RASSF5: variants seen among roughly 807,000 people sequenced by gnomAD.
RASSF5 encodes the protein ras association domain-containing protein 5.
Under a neutral mutation model 40.5 loss-of-function variants are expected in RASSF5, and 25 were observed. The observed-to-expected ratio is 0.62, with a 90% confidence interval of 0.45 to 0.86. RASSF5 has a LOEUF of 0.86. RASSF5 is among the 40% of genes least tolerant of loss of function. RASSF5 has a pLI of 0.00. For synonymous variants in RASSF5, 246 were observed against 252.4 expected, an observed-to-expected ratio of 0.97 and a Z score of 0.24; for missense variants, 521 against 572.8, an observed-to-expected ratio of 0.91 and a Z score of 0.92.
chr1:206,588,677 T>C lies in RASSF5; in HGVS notation c.*1699T>C, dbSNP rs1344912426. 1.3e-5 allele frequency: 2 copies of C among 152,496 alleles called. No individual in the cohort carries two copies. Among genetic ancestry groups the C allele is most frequent in the African/African-American group, 2.4e-5 (1 of 41,454 alleles). 9.4% of individuals were successfully genotyped at this position (152,496 alleles called of 1,614,324 possible). The stretch of plus-strand genomic sequence containing the variant: ...GACCCCTCGTCGTATGAACTGTGCA[T>C]AGTCTCCAGAGCTTCAAAGGCAACA... On this transcript the variant is annotated 3_prime_UTR_variant, in exon 6 of 6. Coordinates refer to ENST00000579436, the MANE Select transcript of RASSF5 (RefSeq NM_182663.4).
chr1:206,545,967 T>C (rs1450575646), intron 2 of RASSF5, among the ~76,000 whole-genome samples: 20 of 151,136 alleles, frequency 1.3e-4, no homozygotes, highest in Non-Finnish European at 2.8e-4. Context: ...TTTTTTTTTT[T>C]TTTGAGACAG....
At position 206,584,752 on chromosome 1, in the gene RASSF5, C is replaced by G; in HGVS notation, c.988+68C>G. 1.9e-6 allele frequency: 3 copies of G among 1,550,966 alleles called. No homozygotes were observed. The highest frequency in any genetic ancestry group is 2.6e-6 in the Non-Finnish European group (3 of 1,135,172). ...CTGTGTCCAAGCCCACCCACTAAAACTCCTGCCGGCCTTGGGTGGGAGCTG... is the reference window on the plus strand; with the variant it reads ...CTGTGTCCAAGCCCACCCACTAAAAGTCCTGCCGGCCTTGGGTGGGAGCTG... On this transcript the variant is annotated intron_variant, in intron 4 of 5. Transcript: ENST00000579436. This position sits in a 1 kb window ranked among gnomAD's most constrained non-coding sequence, Gnocchi z 4.9.
chr1:206,514,809 G>A (rs1409204302), intron 1 of RASSF5, among the ~76,000 whole-genome samples: 6 of 152,228 alleles, frequency 3.9e-5, no homozygotes, highest in African/African-American at 1.4e-4. Context: ...GGCATTCTGT[G>A]AACCTGCTAG....
intron 2 of RASSF5, among the ~76,000 whole-genome samples, chr1:206,566,779 G>A (rs1668300569): frequency 6.6e-6 from 1 of 152,144 alleles, no homozygotes; most frequent in East Asian, 1.9e-4. Context: ...CCTTCTCTGT[G>A]CTCCCCAAAC....
chr1:206,529,366 T>G (rs1667178386), intron 1 of RASSF5: 1 of 755,734 alleles, frequency 1.3e-6, no homozygotes, highest in Non-Finnish European at 2.4e-6. Context: ...AAAGCTCAGC[T>G]GGTGGTGATT....
At chr1:206,568,480 C>T (rs1279655070) in intron 2 of RASSF5, among the ~76,000 whole-genome samples, 1 of 152,194 alleles carries the variant, frequency 6.6e-6, no homozygotes, top group African/African-American at 2.4e-5. Flanking sequence ...TGCCCCTCCC[C>T]TTCTAGCAAG....
chr1:206,584,757 G>C lies in RASSF5; in HGVS notation c.988+73G>C, dbSNP rs782637226. On this transcript the variant is annotated intron_variant, in intron 4 of 5. Coordinates refer to ENST00000579436, the MANE Select transcript of RASSF5 (RefSeq NM_182663.4). The surrounding 1 kb of genome is among the most constrained non-coding windows in gnomAD (Gnocchi z 4.9). Reference sequence around the variant, plus strand: ...TCCAAGCCCACCCACTAAAACTCCTGCCGGCCTTGGGTGGGAGCTGTGGGC... The same window carrying C: ...TCCAAGCCCACCCACTAAAACTCCTCCCGGCCTTGGGTGGGAGCTGTGGGC... 4 of 1,533,340 alleles carry C rather than the reference G, an allele frequency of 2.6e-6. No homozygotes were observed. Among genetic ancestry groups the C allele is most frequent in the Non-Finnish European group, 8.9e-7 (1 of 1,122,558 alleles). 95.0% of individuals were successfully genotyped at this position (1,533,340 alleles called of 1,614,324 possible).
At chr1:206,583,194 G>C (rs1038807871) in intron 2 of RASSF5, 75 bp from the exon 3 acceptor site, 2 of 939,122 alleles carry the variant, frequency 2.1e-6, no homozygotes, top group African/African-American at 1.6e-5. Flanking sequence ...GAGAGGCTTT[G>C]GGGAGGGCGT....
At chr1:206,516,603 C>G (rs557590017) in intron 1 of RASSF5, among the ~76,000 whole-genome samples, 1 of 152,038 alleles carries the variant, frequency 6.6e-6, no homozygotes, top group African/African-American at 2.4e-5. Flanking sequence ...ACTACAGGTG[C>G]GTGCCACCAC....
chr1:206,541,481 A>G (rs550201634), intron 2 of RASSF5, among the ~76,000 whole-genome samples: 1 of 152,274 alleles, frequency 6.6e-6, no homozygotes, highest in South Asian at 2.1e-4. Context: ...TCAAAAGGTC[A>G]TCGGAAACAG....
At chr1:206,561,273 C>A (rs1171654067) in intron 2 of RASSF5, among the ~76,000 whole-genome samples, 1 of 152,228 alleles carries the variant, frequency 6.6e-6, no homozygotes, top group African/African-American at 2.4e-5. Context: ...CCCTCCAGGA[C>A]TCCTTGTCAA....
At chr1:206,583,828 G>A (rs1668991530) in intron 3 of RASSF5, 1 of 185,700 alleles carries the variant, frequency 5.4e-6, no homozygotes. Flanking sequence ...CTTCAATAGG[G>A]AGGGGAGAAG....
chr1:206,545,295 G>A (rs1667652247), intron 2 of RASSF5, among the ~76,000 whole-genome samples: 1 of 149,220 alleles, frequency 6.7e-6, no homozygotes, highest in Admixed American at 6.7e-5. Flanking sequence ...TAATATGCCT[G>A]TATTTTGAAG....
At chr1:206,527,268 G>A (rs1348548109) in intron 1 of RASSF5, among the ~76,000 whole-genome samples, 2 of 152,144 alleles carry the variant, frequency 1.3e-5, no homozygotes, top group Admixed American at 1.3e-4. Flanking sequence ...AAGTGGGTGC[G>A]CTCTGGTGCC....
At chr1:206,526,043 C>T (rs1398577589) in intron 1 of RASSF5, among the ~76,000 whole-genome samples, 2 of 152,174 alleles carry the variant, frequency 1.3e-5, no homozygotes, top group Non-Finnish European at 2.9e-5. Flanking sequence ...AAGCCCTCCA[C>T]CCCAACCCAC....
chr1:206,515,327 C>T (rs1489529949), intron 1 of RASSF5, among the ~76,000 whole-genome samples: 6 of 152,162 alleles, frequency 3.9e-5, no homozygotes, highest in African/African-American at 9.7e-5. Context: ...ATCATGAGAT[C>T]TTTAGAAAAA....
Position 206,513,544 on chromosome 1 carries a change from T to C in RASSF5, c.457+5485T>C, listed in dbSNP as rs1200645397. Among the ~76,000 whole-genome samples the C allele has an allele frequency of 6.6e-6, 1 of 152,234 alleles. No homozygotes were observed. Among genetic ancestry groups the C allele is most frequent in the Non-Finnish European group, 1.5e-5 (1 of 68,042 alleles). On this transcript the variant is annotated intron_variant, in intron 1 of 5. Coordinates refer to ENST00000579436, the MANE Select transcript of RASSF5 (RefSeq NM_182663.4). This position sits in a 1 kb window ranked among gnomAD's most constrained non-coding sequence, Gnocchi z 5.0. Reference sequence around the variant, plus strand: ...GGTGGCAGGATGCTTTCTGCCTCCCTGCAGGGTCTCGCTCTGTCTCTGCTG... The same window carrying C: ...GGTGGCAGGATGCTTTCTGCCTCCCCGCAGGGTCTCGCTCTGTCTCTGCTG...
intron 2 of RASSF5, among the ~76,000 whole-genome samples, chr1:206,546,087 CTATTTTTTTTTTTTTTTTTTT>C (rs1667679962): frequency 7.6e-5 from 2 of 26,446 alleles, no homozygotes; most frequent in African/African-American, 2.9e-4. Context: ...TCTTCTTTTT[CTATTTTTTTTTTTTTTTTTTT>C]TTTTTTTTTT....
chr1:206,508,147 G>A (rs1666514296), intron 1 of RASSF5, 88 bp downstream of exon 1: 1 of 1,030,844 alleles, frequency 9.7e-7, no homozygotes, highest in African/African-American at 1.7e-5. Context: ...GGAGAGAGGG[G>A]CCATTACACT....
Sources: gnomAD v4.1 joint callset for allele counts (sites outside exome capture counted in the v4.1 genomes callset) on GRCh38, gnomAD v4.1.1 for gene constraint, Gnocchi (gnomAD v3.1) non-coding constraint, MANE v1.5 for transcripts, NCBI Gene and HGNC (gene_info 2026-07-23, HGNC 2026-07-21) for gene names.